KHDRBS2: variants seen among roughly 807,000 people sequenced by gnomAD.
The protein encoded by KHDRBS2 is KH RNA binding domain containing, signal transduction associated 2.
In KHDRBS2, 26 loss-of-function variants were observed where a neutral mutation model predicts 44.3. The observed-to-expected ratio is 0.59, with a 90% CI of 0.43 to 0.81. The LOEUF is 0.81. Among genes scored for constraint, KHDRBS2 ranks in the 40% least tolerant of loss-of-function variants. The pLI is 0.00. For synonymous variants in KHDRBS2, 194 were observed against 151.1 expected (o/e 1.28, Z -2.08); for missense variants, 476 against 433.1 (o/e 1.10, Z -0.88).
At chr6:62,062,542 A>G (rs374888453) in intron 2 of KHDRBS2, among the ~76,000 whole-genome samples, 2 of 151,516 alleles carry the variant, frequency 1.3e-5, no homozygotes, top group Non-Finnish European at 2.9e-5. Flanking sequence ...GGTACATAAC[A>G]AAATGAAGGC....
the KHDRBS2 span, among the ~76,000 whole-genome samples, chr6:61,636,122 CT>C: frequency 2.6e-5 from 4 of 151,966 alleles, no homozygotes; most frequent in African/African-American, 9.7e-5. Context: ...CTAAAATGAA[CT>C]TTTTTGTATG....
At chr6:62,241,451 A>T (rs1366122051) in intron 1 of KHDRBS2, among the ~76,000 whole-genome samples, 1 of 152,220 alleles carries the variant, frequency 6.6e-6, no homozygotes, top group East Asian at 1.9e-4. Flanking sequence ...ATAATAAAAT[A>T]AATTGATTAC....
At chr6:61,967,213 A>G (rs1414044619) in intron 4 of KHDRBS2, among the ~76,000 whole-genome samples, 2 of 151,582 alleles carry the variant, frequency 1.3e-5, no homozygotes, top group African/African-American at 4.8e-5. Context: ...ACAAAAAAAA[A>G]AAAAAAAAAG....
At chr6:61,925,171 G>T (rs886708972) in intron 4 of KHDRBS2, among the ~76,000 whole-genome samples, 1 of 152,096 alleles carries the variant, frequency 6.6e-6, no homozygotes, top group African/African-American at 2.4e-5. Flanking sequence ...AAAGGTAGAA[G>T]AGTTAAATGG....
intron 3 of KHDRBS2, among the ~76,000 whole-genome samples, chr6:61,984,939 G>A (rs1774744922): frequency 1.3e-5 from 2 of 152,130 alleles, no homozygotes; most frequent in African/African-American, 4.8e-5. Context: ...ACAAACACAG[G>A]CTATGTAAAT....
intron 4 of KHDRBS2, among the ~76,000 whole-genome samples, chr6:61,967,882 A>G (rs1770418432): frequency 7.1e-6 from 1 of 139,976 alleles, no homozygotes; most frequent in Non-Finnish European, 1.6e-5. Context: ...ACACATACAC[A>G]CAAACATACA....
At position 61,956,904 on chromosome 6, in the gene KHDRBS2, T is replaced by TTCATCATCATCATCA. The variant is rs113300633; in HGVS notation, c.483+21147_483+21161dup. Reference sequence around the variant, plus strand: ...AGCAAACATTCCATAGTTATTGGTTTTCATCATCATCATCATCATCATCAT... The same window carrying TTCATCATCATCATCA: ...AGCAAACATTCCATAGTTATTGGTTTTCATCATCATCATCATCATCATCATCATCATCATCATCAT... On this transcript the variant is annotated intron_variant, in intron 4 of 8. Transcript: ENST00000281156. Among the ~76,000 whole-genome samples the TTCATCATCATCATCA allele has an allele frequency of 4.8e-3, 707 of 148,408 alleles. 3 individuals are homozygous for TTCATCATCATCATCA. The highest frequency in any genetic ancestry group is 0.01 in the East Asian group (50 of 4,992).
intron 6 of KHDRBS2, among the ~76,000 whole-genome samples, chr6:61,790,361 C>A (rs1308629537): frequency 6.7e-6 from 1 of 149,538 alleles, no homozygotes; most frequent in Non-Finnish European, 1.5e-5. Flanking sequence ...GCAGAAATTG[C>A]TAAAGAAGTT....
At chr6:62,268,309 A>G (rs1585524749) in intron 1 of KHDRBS2, among the ~76,000 whole-genome samples, 1 of 152,172 alleles carries the variant, frequency 6.6e-6, no homozygotes, top group Non-Finnish European at 1.5e-5. Flanking sequence ...CTTTTTGGTT[A>G]TTAGTGTTGA....
intron 4 of KHDRBS2, among the ~76,000 whole-genome samples, chr6:61,975,185 G>A (rs909072988): frequency 6.6e-6 from 1 of 152,054 alleles, no homozygotes; most frequent in African/African-American, 2.4e-5. Flanking sequence ...CATACAGCAG[G>A]TTGAGTAAAT....
At chr6:62,053,925 G>C (rs944278851) in intron 2 of KHDRBS2, among the ~76,000 whole-genome samples, 2 of 151,934 alleles carry the variant, frequency 1.3e-5, no homozygotes, top group Non-Finnish European at 2.9e-5. Context: ...CATATAATTA[G>C]AGAATTTTTT....
chr6:61,771,621 C>A, intron 6 of KHDRBS2, among the ~76,000 whole-genome samples: 1 of 152,132 alleles, frequency 6.6e-6, no homozygotes, highest in Non-Finnish European at 1.5e-5. Context: ...GGGATCAATT[C>A]CACAAGAAGA....
intron 4 of KHDRBS2, among the ~76,000 whole-genome samples, chr6:61,930,523 T>TAAAAAAACAAA (rs1809814083): frequency 2.5e-5 from 1 of 39,220 alleles, no homozygotes; most frequent in Non-Finnish European, 4.4e-5. Flanking sequence ...ATACCGCCCC[T>TAAAAAAACAAA]AAAAAAAAAA....
At chr6:62,076,596 A>G (rs1796381025) in intron 2 of KHDRBS2, among the ~76,000 whole-genome samples, 1 of 152,036 alleles carries the variant, frequency 6.6e-6, no homozygotes, top group African/African-American at 2.4e-5. Context: ...AAATTAAATT[A>G]TTTAAATGCC....
At chr6:61,590,448 T>G in the KHDRBS2 span, among the ~76,000 whole-genome samples, 1 of 152,216 alleles carries the variant, frequency 6.6e-6, no homozygotes, top group African/African-American at 2.4e-5. Flanking sequence ...TGCAAGTTAC[T>G]CTGAGATAAA....
intron 1 of KHDRBS2, among the ~76,000 whole-genome samples, chr6:62,270,704 C>CT (rs1373667256): frequency 6.6e-6 from 1 of 151,982 alleles, no homozygotes; most frequent in Non-Finnish European, 1.5e-5. Context: ...TTTACCTCAA[C>CT]TTTTTTAAAG....
chr6:61,994,345 A>C (rs1042159242), intron 3 of KHDRBS2, among the ~76,000 whole-genome samples: 4 of 152,194 alleles, frequency 2.6e-5, no homozygotes, highest in Non-Finnish European at 5.9e-5. Context: ...ATGAATTGAC[A>C]GCAGATTACC....
At chr6:61,773,175 C>T (rs1781284388) in intron 6 of KHDRBS2, among the ~76,000 whole-genome samples, 1 of 151,754 alleles carries the variant, frequency 6.6e-6, no homozygotes, top group African/African-American at 2.4e-5. Flanking sequence ...ATGGCTGGGT[C>T]AAATGGTATT....
At chr6:61,759,440 T>G (rs1778956039) in intron 6 of KHDRBS2, among the ~76,000 whole-genome samples, 1 of 152,208 alleles carries the variant, frequency 6.6e-6, no homozygotes, top group South Asian at 2.1e-4. Context: ...TTAATAGTAA[T>G]TTAAACTTTA....
Sources: gnomAD v4.1 joint callset for allele counts (sites outside exome capture counted in the v4.1 genomes callset) on GRCh38, gnomAD v4.1.1 for gene constraint, MANE v1.5 for transcripts, NCBI Gene and HGNC (gene_info 2026-07-23, HGNC 2026-07-21) for gene names.